MPHOSPH9: variants seen among roughly 807,000 people sequenced by gnomAD.
MPHOSPH9 encodes the protein M-phase phosphoprotein 9.
A neutral mutation model predicts 145.5 loss-of-function variants in MPHOSPH9; 88 were observed. The observed-to-expected ratio is 0.60, with a 90% CI of 0.51 to 0.72. The LOEUF (loss-of-function observed/expected upper bound fraction) is 0.72. Ranked by LOEUF, MPHOSPH9 falls within the 30% of genes least tolerant of loss-of-function variation. The pLI, the probability that MPHOSPH9 is intolerant of heterozygous loss-of-function variation, is 0.00. For synonymous variants in MPHOSPH9, 435 were observed against 486.2 expected, an observed-to-expected ratio of 0.89 and a Z score of 1.39; for missense variants, 1,238 against 1,386.6, an observed-to-expected ratio of 0.89 and a Z score of 1.70.
At chr12:123,212,708 T>A in intron 7 of MPHOSPH9, among the ~76,000 whole-genome samples, 1 of 69,694 alleles carries the variant, frequency 1.4e-5, no homozygotes, top group South Asian at 7.6e-4. Flanking sequence ...CAAAACTCTG[T>A]CTCAAAAAAA....
chr12:123,196,730 A>G (rs886582255), intron 12 of MPHOSPH9, among the ~76,000 whole-genome samples: 2 of 152,344 alleles, frequency 1.3e-5, no homozygotes, highest in Non-Finnish European at 2.9e-5. Context: ...TCATAGCAAT[A>G]TAATTTAAAT....
chr12:123,221,926 G>GA lies in MPHOSPH9; in HGVS notation c.349-32dup, dbSNP rs572355479. The GA allele has an allele frequency of 4.2e-3, 5,036 of 1,203,038 alleles. 20 individuals carry two copies. Among genetic ancestry groups the GA allele is most frequent in the Non-Finnish European group, 5.2e-3 (4,541 of 875,756 alleles). The allele number at this position is 1,203,038 out of a possible 1,614,324, so 74.5% of individuals were successfully genotyped here. A position where few individuals can be genotyped will look rare whatever the true frequency, so the allele number is the denominator to read the frequency against. ...AATAAAAAGTTATAGATTTGGGTAA[G>GA]AAAGTATATTAAACATCATATTTTT... On this transcript the variant is annotated intron_variant, in intron 4 of 23. Transcript: ENST00000606320.
At position 123,163,024 on chromosome 12, in the gene MPHOSPH9, T is replaced by C. The variant is rs768133011; in HGVS notation, c.3019A>G (p.Ser1007Gly). 2 of 1,566,264 alleles carry C rather than the reference T, an allele frequency of 1.3e-6. No individual in the cohort carries two copies. The highest frequency in any genetic ancestry group is 2.8e-5 in the African/African-American group (2 of 71,566). Residue 1007 changes from serine to glycine, a missense_variant, in exon 20 of 24, where the codon AGT (serine) becomes GGT (glycine). Around this residue, in one of 3 missense-constraint regions of MPHOSPH9, gnomAD observed 393 missense variants for 462.5 expected, o/e 0.85. Coordinates refer to ENST00000606320, the MANE Select transcript of MPHOSPH9 (RefSeq NM_022782.4). The stretch of plus-strand genomic sequence containing the variant: ...TTTTAGAGAACTTACCGAATTGGAC[T>C]GCTCTCATTTTTGCTAAGCAGATGA... ...FSHLLSKNES[S>G]PIRFDILLDD...
At chr12:123,220,922 G>A (rs1361052712) in intron 5 of MPHOSPH9, among the ~76,000 whole-genome samples, 2 of 152,108 alleles carry the variant, frequency 1.3e-5, no homozygotes, top group African/African-American at 4.8e-5. Context: ...TGGCGTGGTG[G>A]CGGGTGCCTG....
At chr12:123,165,066 G>A (rs1319339967) in intron 18 of MPHOSPH9, among the ~76,000 whole-genome samples, 3 of 149,772 alleles carry the variant, frequency 2.0e-5, no homozygotes, top group South Asian at 4.2e-4. Context: ...TTTCATAATC[G>A]GAATGTAAGA....
At position 123,156,865 on chromosome 12, in the gene MPHOSPH9, C is replaced by G. The variant is rs1465480535; in HGVS notation, c.3494G>C (p.Gly1165Ala). Residue 1165 changes from glycine to alanine, a missense_variant, in exon 24 of 24, where the codon GGT becomes GCT. Gly to Ala is a moderately conservative substitution (Grantham distance 60). This residue lies in a region of MPHOSPH9 where 393 missense variants were observed against 462.5 expected (regional missense o/e 0.85). Transcript: ENST00000606320. ...DRLERINREL[G>A]SVRMTLKKFH... Reference sequence around the variant, plus strand: ...TTTCTTTAGCGTCATGCGAACTGAACCCAGTTCTCGATTAATCCTTTCCAA... The same window carrying G: ...TTTCTTTAGCGTCATGCGAACTGAAGCCAGTTCTCGATTAATCCTTTCCAA... The G allele has an allele frequency of 6.2e-7, 1 of 1,611,296 alleles. No individual in the cohort carries two copies. Among genetic ancestry groups the G allele is most frequent in the Admixed American group, 1.7e-5 (1 of 60,008 alleles).
Position 123,230,334 on chromosome 12 carries a change from G to T in MPHOSPH9, c.31C>A (p.His11Asn). 1 of 1,533,542 alleles carries T rather than the reference G, an allele frequency of 6.5e-7. No individual in the cohort carries two copies. The highest frequency in any genetic ancestry group is 8.7e-7 in the Non-Finnish European group (1 of 1,145,048). 95.0% of individuals were successfully genotyped at this position (1,533,542 alleles called of 1,614,324 possible). Residue 11 changes from histidine to asparagine, a missense_variant, in exon 2 of 24, where the codon CAC becomes AAC. By Grantham distance (68) the His-to-Asn change is moderately conservative. Around this residue, in one of 3 missense-constraint regions of MPHOSPH9, gnomAD observed 837 missense variants for 897.5 expected, o/e 0.93. Coordinates refer to ENST00000606320, the MANE Select transcript of MPHOSPH9 (RefSeq NM_022782.4). ...GATCCTACAGAAGATGAAGTTTTGT[G>T]TAAGGTTTTCACCAAGTCAAACTCT... is the stretch of plus-strand genomic sequence containing the variant. MEEFDLVKTLHKTSSSVGSDE... is the reference protein window; with the variant it reads MEEFDLVKTLNKTSSSVGSDE...
chr12:123,235,200 G>A (rs546532315), upstream of MPHOSPH9, among the ~76,000 whole-genome samples: 100 of 152,242 alleles, frequency 6.6e-4, no homozygotes, highest in Admixed American at 2.5e-3. Context: ...GATTTTGTTC[G>A]CACTCTAGGT....
intron 11 of MPHOSPH9, among the ~76,000 whole-genome samples, chr12:123,198,911 G>A (rs889091983): frequency 4.1e-5 from 6 of 147,852 alleles, no homozygotes; most frequent in African/African-American, 1.2e-4. Context: ...AAAAAAATCT[G>A]TATCTATATA....
intron 12 of MPHOSPH9, among the ~76,000 whole-genome samples, chr12:123,195,422 T>C (rs1268175900): frequency 1.3e-5 from 2 of 151,266 alleles, no homozygotes; most frequent in South Asian, 2.1e-4. Context: ...CCGTCTCTAC[T>C]AAAAATACAA....
chr12:123,166,761 G>T lies in MPHOSPH9; in HGVS notation c.2485C>A (p.Arg829=). The T allele has an allele frequency of 6.2e-7, 1 of 1,613,676 alleles. No individual in the cohort carries two copies. Among genetic ancestry groups the T allele is most frequent in the Non-Finnish European group, 8.5e-7 (1 of 1,179,900 alleles). ...NTLATSDVSR[R]KWLIPGAEYS... is the part of the protein sequence containing the mutation. The stretch of plus-strand genomic sequence containing the variant: ...TCTGCACCTGGAATCAGCCATTTCC[G>T]CCTGCTGACGTCTGAAGTTGCTAGT... Residue 829 remains arginine (R), a synonymous_variant, in exon 17 of 24, where the codon CGG becomes AGG. Coordinates refer to ENST00000606320, the MANE Select transcript of MPHOSPH9 (RefSeq NM_022782.4).
chr12:123,210,977 CTTTTTTTTTT>C (rs907442708), intron 7 of MPHOSPH9, among the ~76,000 whole-genome samples: 46 of 89,766 alleles, frequency 5.1e-4, no homozygotes, highest in African/African-American at 2.5e-3. Flanking sequence ...TTTGTTTTTT[CTTTTTTTTTT>C]TTTTTTTTTT....
chr12:123,156,618 C>A lies in MPHOSPH9; in HGVS notation c.*189G>T. The A allele has an allele frequency of 9.3e-6, 4 of 427,830 alleles. No individual in the cohort carries two copies. The highest frequency in any genetic ancestry group is 1.3e-4 in the South Asian group (2 of 15,176). The allele number at this position is 427,830 out of a possible 1,614,324, so 26.5% of individuals were successfully genotyped here. A position where few individuals can be genotyped will look rare whatever the true frequency, so the allele number is the denominator to read the frequency against. Reference sequence around the variant, plus strand: ...AAATAGTAAAATATACAAGAGATTCCTGAGCATAACAAAAATATCTTGAAA... The same window carrying A: ...AAATAGTAAAATATACAAGAGATTCATGAGCATAACAAAAATATCTTGAAA... On this transcript the variant is annotated 3_prime_UTR_variant, in exon 24 of 24. Transcript: ENST00000606320.
At chr12:123,184,745 G>A (rs920480486) in intron 13 of MPHOSPH9, among the ~76,000 whole-genome samples, 2 of 151,772 alleles carry the variant, frequency 1.3e-5, no homozygotes, top group Non-Finnish European at 2.9e-5. Flanking sequence ...TGATCTACCC[G>A]CCTCGGCCTC....
chr12:123,201,231 C>CTGTTT (rs61552685), intron 11 of MPHOSPH9, among the ~76,000 whole-genome samples: 96,878 of 151,230 alleles, frequency 0.64, 35,489 homozygotes, highest in East Asian at 1. Context: ...GAAAGTTAAA[C>CTGTTT]TGTTTTGTTT....
rs2046288148 is a variant in MPHOSPH9, at chr12:123,203,015, G to T, written c.1390C>A (p.Leu464Ile). 12 of 1,614,196 alleles carry T rather than the reference G, an allele frequency of 7.4e-6. No homozygotes were observed. In the East Asian group the frequency reaches 2.7e-4, roughly 36 times the overall value. ...ATTCTGTCATCAAGGGCATTCGGAAGGCCGTGAGGTTGAATCCCTGAAATC... is the reference window on the plus strand; with the variant it reads ...ATTCTGTCATCAAGGGCATTCGGAATGCCGTGAGGTTGAATCCCTGAAATC... ...QQISGIQPHG[L>I]PNALDDRISF... is the part of the protein sequence containing the mutation. The change falls in exon 10 of 24, where the codon CTT becomes ATT. Residue 464 changes from leucine (L) to isoleucine (I), a missense_variant. Around this residue, in one of 3 missense-constraint regions of MPHOSPH9, gnomAD observed 837 missense variants for 897.5 expected, o/e 0.93. Coordinates refer to ENST00000606320, the MANE Select transcript of MPHOSPH9 (RefSeq NM_022782.4).
rs183875708 is a variant in MPHOSPH9 at position 123,159,543 on chromosome 12, C to T, written c.3450+1238G>A. On this transcript the variant is annotated intron_variant, in intron 23 of 23. Transcript: ENST00000606320. The surrounding 1 kb of genome is among the most constrained non-coding windows in gnomAD (Gnocchi z 4.3). ...TTCAGGATGGGGAAGAGCTTATCTT[C>T]ATACACGGCAGGTAGGAGTAGAAAT... Among the ~76,000 whole-genome samples the T allele has an allele frequency of 8.1e-4, 123 of 152,158 alleles. 1 individual carries two copies. Among genetic ancestry groups the T allele is most frequent in the African/African-American group, 2.7e-3 (114 of 41,488 alleles).
At chr12:123,168,064 C>A (rs924557116) in intron 16 of MPHOSPH9, among the ~76,000 whole-genome samples, 1 of 152,192 alleles carries the variant, frequency 6.6e-6, no homozygotes, top group Non-Finnish European at 1.5e-5. Context: ...ACGTGACCTA[C>A]GATCCTTGGC....
intron 11 of MPHOSPH9, among the ~76,000 whole-genome samples, chr12:123,200,651 A>ATTTTTTTT (rs1373338003): frequency 7.4e-6 from 1 of 134,246 alleles, no homozygotes; most frequent in Non-Finnish European, 1.6e-5. Flanking sequence ...TCATCTTTGC[A>ATTTTTTTT]TTTTTTTTTT....
Sources: allele counts gnomAD v4.1 joint callset (sites outside exome capture counted in the v4.1 genomes callset), GRCh38; gene constraint gnomAD v4.1.1; regional missense constraint gnomAD v4.1.1; non-coding constraint Gnocchi (gnomAD v3.1); transcripts MANE v1.5; gene names NCBI Gene and HGNC (gene_info 2026-07-23, HGNC 2026-07-21).